The following VRTN variants were observed in gnomAD, a reference collection of about 807,000 sequenced individuals.
The protein encoded by VRTN is vertnin.
Under a neutral mutation model 18.2 loss-of-function variants are expected in VRTN, and 5 were observed. That is an observed-to-expected ratio of 0.27 (90% CI 0.14 to 0.58). The LOEUF (loss-of-function observed/expected upper bound fraction) is 0.58. VRTN is among the 20% of genes least tolerant of loss of function. The probability of loss-of-function intolerance (pLI) is 0.91; values close to 1 mark genes in which losing one functional copy is unlikely to be tolerated. For missense variants in VRTN, 741 were observed against 939.4 expected, an observed-to-expected ratio of 0.79 and a Z score of 2.76; for synonymous variants, 381 against 393.7, an observed-to-expected ratio of 0.97 and a Z score of 0.38.
At chr14:74,317,002 A>G (rs1379688666) in intron 1 of VRTN, among the ~76,000 whole-genome samples, 1 of 152,118 alleles carries the variant, frequency 6.6e-6, no homozygotes, top group Non-Finnish European at 1.5e-5. Flanking sequence ...TGCAATGAAC[A>G]AGGGGAGAGT....
rs369223639 is a variant in VRTN, at chr14:74,328,768, T to C, written c.-163-8955T>C. Reference sequence around the variant, plus strand: ...ATCCCAGCACTTCAGGAGGCTGAGATGGGTGGATCACCTGAGGTCAGGGGT... The same window carrying C: ...ATCCCAGCACTTCAGGAGGCTGAGACGGGTGGATCACCTGAGGTCAGGGGT... On this transcript the variant is annotated intron_variant, in intron 1 of 2. Transcript: ENST00000557177. Among the ~76,000 whole-genome samples the C allele has an allele frequency of 9.8e-5, 15 of 152,286 alleles. No homozygotes were observed. In the South Asian group the frequency reaches 2.9e-3, roughly 29 times the overall value.
At chr14:74,307,430 C>G (rs1042299329) in intron 1 of VRTN, among the ~76,000 whole-genome samples, 1 of 152,074 alleles carries the variant, frequency 6.6e-6, no homozygotes, top group Non-Finnish European at 1.5e-5. Context: ...GCTCCTGGCC[C>G]TGTTGTGGCC....
At chr14:74,305,822 G>A (rs889051800) in intron 1 of VRTN, among the ~76,000 whole-genome samples, 1 of 152,036 alleles carries the variant, frequency 6.6e-6, no homozygotes, top group Non-Finnish European at 1.5e-5. Context: ...TTTATGTCGA[G>A]ACAGGGTTTC....
At chr14:74,308,769 G>A (rs1023468091) in intron 1 of VRTN, among the ~76,000 whole-genome samples, 1 of 152,010 alleles carries the variant, frequency 6.6e-6, no homozygotes, top group African/African-American at 2.4e-5. Flanking sequence ...GCTGGCCTTG[G>A]CCTCCCAAAG....
At chr14:74,323,927 G>T (rs2140198111) in intron 1 of VRTN, among the ~76,000 whole-genome samples, 1 of 152,216 alleles carries the variant, frequency 6.6e-6, no homozygotes, top group East Asian at 1.9e-4. Flanking sequence ...GCTGAATCTG[G>T]CAACCTTCCA....
chr14:74,331,043 A>G (rs1773304764), intron 1 of VRTN, among the ~76,000 whole-genome samples: 1 of 151,290 alleles, frequency 6.6e-6, no homozygotes, highest in Non-Finnish European at 1.5e-5. Flanking sequence ...ACTAAAAAAA[A>G]TACAAAAAAT....
At chr14:74,348,767 G>C (rs1424919302) in intron 1 of VRTN, 115 bp downstream of exon 1, 1 of 152,414 alleles carries the variant, frequency 6.6e-6, no homozygotes, top group East Asian at 1.9e-4. Flanking sequence ...CCAGGTCAAG[G>C]AGTGGCCCCG....
chr14:74,329,761 TAG>T (rs1157761428), intron 1 of VRTN, among the ~76,000 whole-genome samples: 1 of 151,922 alleles, frequency 6.6e-6, no homozygotes, highest in Non-Finnish European at 1.5e-5. Flanking sequence ...GTATTTTTAA[TAG>T]AGACAGTTTC....
intron 1 of VRTN, among the ~76,000 whole-genome samples, chr14:74,322,671 G>A (rs960100631): frequency 6.6e-6 from 1 of 152,090 alleles, no homozygotes; most frequent in African/African-American, 2.4e-5. Flanking sequence ...AACACCCCCT[G>A]TATTCCTATT....
chr14:74,321,270 A>G (rs1340119384), intron 1 of VRTN, among the ~76,000 whole-genome samples: 3 of 152,222 alleles, frequency 2.0e-5, no homozygotes, highest in Non-Finnish European at 4.4e-5. Flanking sequence ...CCTCTATTGA[A>G]TACTTACTAA....
chr14:74,313,027 G>A (rs201129122), intron 1 of VRTN, among the ~76,000 whole-genome samples: 2,677 of 142,934 alleles, frequency 0.019, 81 homozygotes, highest in Admixed American at 0.094. Context: ...AGGCATGCGC[G>A]CTGCGCCTGG....
At chr14:74,333,830 ACT>A (rs1437747258) in intron 1 of VRTN, among the ~76,000 whole-genome samples, 3 of 151,832 alleles carry the variant, frequency 2.0e-5, no homozygotes, top group African/African-American at 4.8e-5. Flanking sequence ...ACAGAGCGAG[ACT>A]CTGTCTCAAA....
chr14:74,356,934 C>T lies in VRTN; in HGVS notation c.151C>T (p.Pro51Ser). The change falls in exon 2 of 2, where the codon CCT becomes TCT. Residue 51 changes from proline (P) to serine (S), a missense_variant. Coordinates refer to ENST00000256362, the MANE Select transcript of VRTN (RefSeq NM_018228.3). ...TCTCCCCACCTGCCGGGAGGGAGGC[C>T]CTGGCCTCCAGGTGCTGGAAGTGGA... ...FTLPTCREGGPGLQVLEVDSV... is the reference protein window; with the variant it reads ...FTLPTCREGGSGLQVLEVDSV... The T allele has an allele frequency of 6.2e-7, 1 of 1,614,014 alleles. No individual in the cohort carries two copies. Among genetic ancestry groups the T allele is most frequent in the South Asian group, 1.1e-5 (1 of 91,054 alleles).
At chr14:74,308,871 T>C (rs34467399) in intron 1 of VRTN, among the ~76,000 whole-genome samples, 1 of 149,026 alleles carries the variant, frequency 6.7e-6, no homozygotes, top group Non-Finnish European at 1.5e-5. Flanking sequence ...TGTTTGTTTT[T>C]TTTTTTTTTT....
At chr14:74,341,256 A>G (rs1199897538) in intron 2 of VRTN, among the ~76,000 whole-genome samples, 1 of 152,160 alleles carries the variant, frequency 6.6e-6, no homozygotes, top group Non-Finnish European at 1.5e-5. Context: ...GGTTGTTACC[A>G]TCATTTTCTA....
At chr14:74,329,867 G>A (rs532120342) in intron 1 of VRTN, among the ~76,000 whole-genome samples, 214 of 150,576 alleles carry the variant, frequency 1.4e-3, no homozygotes, top group African/African-American at 4.6e-3. Flanking sequence ...ATGAGCCACC[G>A]GGCCTGGGCT....
At chr14:74,346,946 G>C (rs1453555808), upstream of VRTN, among the ~76,000 whole-genome samples, 3 of 152,298 alleles carry the variant, frequency 2.0e-5, no homozygotes, top group African/African-American at 7.2e-5. Context: ...AAACAGCACA[G>C]AGAGAACATA....
At chr14:74,334,887 C>CA (rs2085553517) in intron 1 of VRTN, among the ~76,000 whole-genome samples, 1 of 152,172 alleles carries the variant, frequency 6.6e-6, no homozygotes, top group Admixed American at 6.5e-5. Flanking sequence ...ATAAGAGTAG[C>CA]AGTCTTCACA....
At chr14:74,306,113 A>G (rs1322306661) in intron 1 of VRTN, 1 of 146,254 alleles carries the variant, frequency 6.8e-6, no homozygotes, top group Non-Finnish European at 1.5e-5. Context: ...ATGTAAAAAT[A>G]TATATGTAAA....
Sources: gnomAD v4.1 joint callset for allele counts (sites outside exome capture counted in the v4.1 genomes callset) on GRCh38, gnomAD v4.1.1 for gene constraint, MANE v1.5 for transcripts, NCBI Gene and HGNC (gene_info 2026-07-23, HGNC 2026-07-21) for gene names.